SNX29: variants seen among roughly 807,000 people sequenced by gnomAD.
The protein encoded by SNX29 is sorting nexin-29.
In SNX29, 78 loss-of-function variants were observed where a neutral mutation model predicts 102.1. The observed-to-expected ratio is 0.76, with a 90% CI of 0.64 to 0.92. SNX29 has a LOEUF of 0.92. Among genes scored for constraint, SNX29 ranks in the 40% least tolerant of loss-of-function variants. SNX29 has a pLI of 0.00. For missense variants in SNX29, 1,280 were observed against 1,061.7 expected, an observed-to-expected ratio of 1.21 and a Z score of -2.86; for synonymous variants, 580 against 414.5, an observed-to-expected ratio of 1.40 and a Z score of -4.85.
chr16:12,078,996 A>G (rs1486339285), intron 11 of SNX29, 81 bp downstream of exon 11: 2 of 1,254,454 alleles, frequency 1.6e-6, no homozygotes, highest in African/African-American at 1.5e-5. Context: ...TGTGCTTCTA[A>G]CCCTGTGACT....
Position 12,570,220 on chromosome 16 carries a change from T to A in SNX29, c.*1591T>A. Reference sequence around the variant, plus strand: ...ACTTCCAAGGGGACCTGGGGCCAGATAAGCCCTGCCCCGGTGAGACCAAAT... The same window carrying A: ...ACTTCCAAGGGGACCTGGGGCCAGAAAAGCCCTGCCCCGGTGAGACCAAAT... On this transcript the variant is annotated 3_prime_UTR_variant, in exon 21 of 21. Transcript: ENST00000566228. The A allele has an allele frequency of 9.4e-7, 1 of 1,064,754 alleles. No individual in the cohort carries two copies. Among genetic ancestry groups the A allele is most frequent in the Non-Finnish European group, 1.1e-6 (1 of 878,992 alleles). 66.0% of individuals were successfully genotyped at this position (1,064,754 alleles called of 1,614,324 possible). A position where few individuals can be genotyped will look rare whatever the true frequency, so the allele number is the denominator to read the frequency against.
At chr16:12,506,030 G>C (rs888491284) in intron 19 of SNX29, among the ~76,000 whole-genome samples, 1 of 151,992 alleles carries the variant, frequency 6.6e-6, no homozygotes, top group Non-Finnish European at 1.5e-5. Flanking sequence ...GTGTGATCTC[G>C]CCTCACTGCA....
intron 10 of SNX29, among the ~76,000 whole-genome samples, chr16:12,072,227 G>C: frequency 6.6e-6 from 1 of 152,322 alleles, no homozygotes; most frequent in Middle Eastern, 3.4e-3. Context: ...TGTGAGAGAA[G>C]GCATCCCTGT....
intron 11 of SNX29, among the ~76,000 whole-genome samples, chr16:12,117,370 G>T (rs1641857): frequency 3.7e-5 from 1 of 27,292 alleles, no homozygotes; most frequent in Middle Eastern, 0.017. Flanking sequence ...ACGTGCTTCA[G>T]TGCGGACGAA....
chr16:12,560,840 A>C (rs932408390), intron 20 of SNX29: 1 of 181,750 alleles, frequency 5.5e-6, no homozygotes, highest in African/African-American at 2.4e-5. Context: ...TGGCCGGCTT[A>C]AGGATGTTAT....
chr16:12,484,194 G>A (rs373542318), intron 19 of SNX29, among the ~76,000 whole-genome samples: 5 of 151,982 alleles, frequency 3.3e-5, no homozygotes, highest in African/African-American at 9.7e-5. Flanking sequence ...TGTCACCCAG[G>A]CTGGAGTGTA....
intron 20 of SNX29, chr16:12,546,232 A>G (rs1311803274): frequency 6.6e-6 from 1 of 152,230 alleles, no homozygotes; most frequent in Non-Finnish European, 1.5e-5. Context: ...CTGTAGAGGT[A>G]AACTTGACCT....
intron 20 of SNX29, among the ~76,000 whole-genome samples, chr16:12,564,942 A>AG (rs1567215142): frequency 1.2e-5 from 1 of 83,900 alleles, no homozygotes; most frequent in Admixed American, 1.0e-4. Context: ...GTTAAAAAAA[A>AG]AAAAAAAAAG....
chr16:11,996,337 T>C (rs2056073155), intron 1 of SNX29, among the ~76,000 whole-genome samples: 1 of 152,134 alleles, frequency 6.6e-6, no homozygotes, highest in African/African-American at 2.4e-5. Context: ...AAAGCTATGA[T>C]TGTGCCACTT....
intron 18 of SNX29, among the ~76,000 whole-genome samples, chr16:12,427,624 G>A (rs1231010499): frequency 6.6e-6 from 1 of 152,180 alleles, no homozygotes; most frequent in African/African-American, 2.4e-5. Flanking sequence ...CCAAAGCATC[G>A]GCCATGCTTG....
At chr16:12,483,553 G>A (rs557963583) in intron 19 of SNX29, among the ~76,000 whole-genome samples, 1 of 152,212 alleles carries the variant, frequency 6.6e-6, no homozygotes, top group African/African-American at 2.4e-5. Context: ...CTGAGCTCGT[G>A]ATCCACCCAC....
intron 19 of SNX29, among the ~76,000 whole-genome samples, chr16:12,495,520 G>C (rs1398916503): frequency 6.6e-6 from 1 of 152,200 alleles, no homozygotes; most frequent in Non-Finnish European, 1.5e-5. Context: ...TCCATTACAT[G>C]CTTTCTTTCT....
chr16:12,532,106 G>A (rs896564555), intron 20 of SNX29, among the ~76,000 whole-genome samples: 2 of 152,188 alleles, frequency 1.3e-5, no homozygotes, highest in Admixed American at 1.3e-4. Context: ...ACGTGGTCAC[G>A]ATCTCATTAG....
intron 16 of SNX29, among the ~76,000 whole-genome samples, chr16:12,389,134 A>AGC (rs1446874951): frequency 6.6e-6 from 1 of 152,114 alleles, no homozygotes; most frequent in Non-Finnish European, 1.5e-5. Context: ...CTGTAACACT[A>AGC]GCGCGAGCCA....
At chr16:12,007,577 G>A (rs935991889) in intron 3 of SNX29, among the ~76,000 whole-genome samples, 2 of 152,110 alleles carry the variant, frequency 1.3e-5, no homozygotes, top group East Asian at 3.9e-4. Context: ...AATAACTTAG[G>A]ACTGACAAGA....
intron 14 of SNX29, among the ~76,000 whole-genome samples, chr16:12,218,989 T>C (rs1191938984): frequency 6.6e-6 from 1 of 152,146 alleles, no homozygotes; most frequent in Non-Finnish European, 1.5e-5. Flanking sequence ...TTAGCCAGGT[T>C]GGTCTCGATC....
At chr16:12,123,297 CAA>C (rs1244686330) in intron 11 of SNX29, among the ~76,000 whole-genome samples, 1 of 152,196 alleles carries the variant, frequency 6.6e-6, no homozygotes, top group East Asian at 1.9e-4. Flanking sequence ...TGAGGACACT[CAA>C]AGTCTGCTCT....
chr16:12,345,473 T>C (rs1406763625), intron 15 of SNX29, among the ~76,000 whole-genome samples: 1 of 152,202 alleles, frequency 6.6e-6, no homozygotes, highest in Non-Finnish European at 1.5e-5. Context: ...CTAGCCGTGC[T>C]CCACTCACCG....
intron 20 of SNX29, among the ~76,000 whole-genome samples, chr16:12,534,567 A>C (rs1477627319): frequency 6.6e-6 from 1 of 152,228 alleles, no homozygotes; most frequent in Non-Finnish European, 1.5e-5. Context: ...GTCACAGGTT[A>C]TTAGGGTTGA....
Sources: allele counts gnomAD v4.1 joint callset (sites outside exome capture counted in the v4.1 genomes callset), GRCh38; gene constraint gnomAD v4.1.1; transcripts MANE v1.5; gene names NCBI Gene and HGNC (gene_info 2026-07-23, HGNC 2026-07-21).